The following SRPK3 variants were observed in gnomAD, a reference collection of about 807,000 sequenced individuals.
SRPK3 encodes the protein SRSF protein kinase 3.
SRPK3 carries 26 observed loss-of-function variants against 45.3 expected under a neutral mutation model. The ratio of observed to expected loss-of-function variants is 0.57; its 90% CI spans 0.42 to 0.80. The LOEUF (loss-of-function observed/expected upper bound fraction) is 0.80, where lower values mean the gene tolerates loss of function less well. Among genes scored for constraint, SRPK3 ranks in the 30% least tolerant of loss-of-function variants. SRPK3 has a pLI of 0.00. For missense variants in SRPK3, 536 were observed against 514.5 expected, an observed-to-expected ratio of 1.04 and a Z score of -0.40; for synonymous variants, 254 against 226.6, an observed-to-expected ratio of 1.12 and a Z score of -1.09.
intron 12 of SRPK3, 21 bp from the exon 13 acceptor site, chrX:153,784,913 C>T: frequency 1.7e-6 from 2 of 1,210,821 alleles, no homozygotes; most frequent in Non-Finnish European, 1.1e-6. Flanking sequence ...AGCCAGCAGC[C>T]TCACCTCCTC....
Position 153,785,690 on chromosome X carries a change from G to GAAAGTGTGTGTATTCCTTTCTTAAT in SRPK3, c.*179_*203dup. 6.3e-6 allele frequency: 5 copies of GAAAGTGTGTGTATTCCTTTCTTAAT among 794,177 alleles called. No individual in the cohort carries two copies. The highest frequency in any genetic ancestry group is 9.1e-6 in the Non-Finnish European group (5 of 551,978). The allele number at this position is 794,177 out of a possible 1,213,427, so 65.4% of individuals were successfully genotyped here. A position where few individuals can be genotyped will look rare whatever the true frequency, so the allele number is the denominator to read the frequency against. On this transcript the variant is annotated 3_prime_UTR_variant, in exon 15 of 15. Transcript: ENST00000370101. Reference sequence around the variant, plus strand: ...TGAGACCCCCGTGAGGGCTCTCGGAGAAAGTGTGTGTATTCCTTTCTTAAT... The same window carrying GAAAGTGTGTGTATTCCTTTCTTAAT: ...TGAGACCCCCGTGAGGGCTCTCGGAGAAAGTGTGTGTATTCCTTTCTTAATAAAGTGTGTGTATTCCTTTCTTAAT...
rs782569380 is a variant in SRPK3, at chrX:153,783,138, G to A, written c.748+20G>A. ...CCATAGGTACCAAGGGCCCACATGG[G>A]GCTGGGTCGGGGCCTCTGGGCCTGA... is the stretch of plus-strand genomic sequence containing the variant. On this transcript the variant is annotated intron_variant, in intron 7 of 14. Coordinates refer to ENST00000370101, the MANE Select transcript of SRPK3 (RefSeq NM_014370.4). 8.5e-7 allele frequency: 1 copy of A among 1,183,016 alleles called. No homozygotes were observed. Among genetic ancestry groups the A allele is most frequent in the Non-Finnish European group, 1.1e-6 (1 of 881,753 alleles).
rs1557068782 is a variant in SRPK3, at chrX:153,785,491, T to C, written c.1675T>C (p.Cys559Arg). The stretch of plus-strand genomic sequence containing the variant: ...CGAAAAGCGGGCCAGTGCCGCTGAC[T>C]GCCTCCAGCACCCCTGGCTCAACCC... ...IPEKRASAAD[C>R]LQHPWLNP The change falls in exon 15 of 15, where the codon TGC (cysteine) becomes CGC (arginine). Residue 559 changes from cysteine (C) to arginine (R), a missense_variant. Physicochemically the swap from Cys to Arg is radical, Grantham distance 180. Coordinates refer to ENST00000370101, the MANE Select transcript of SRPK3 (RefSeq NM_014370.4). 8.3e-7 allele frequency: 1 copy of C among 1,209,989 alleles called. No individual in the cohort carries two copies. Among genetic ancestry groups the C allele is most frequent in the East Asian group, 3.0e-5 (1 of 33,819 alleles).
intron 7 of SRPK3, 37 bp downstream of exon 7, chrX:153,783,155 T>G: frequency 8.5e-7 from 1 of 1,179,481 alleles, no homozygotes; most frequent in Non-Finnish European, 1.1e-6. Flanking sequence ...TCGGGGCCTC[T>G]GGGCCTGAAC....
rs1557068091 is a variant in SRPK3 at position 153,784,200 on chromosome X, C to T, written c.1134C>T (p.Leu378=). The T allele has an allele frequency of 2.5e-6, 3 of 1,211,075 alleles. No homozygotes were observed. The highest frequency in any genetic ancestry group is 3.5e-5 in the South Asian group (2 of 56,975). The change falls in exon 10 of 15, where the codon CTC becomes CTT. Residue 378 remains leucine (L), a synonymous_variant. Coordinates refer to ENST00000370101, the MANE Select transcript of SRPK3 (RefSeq NM_014370.4). The part of the protein sequence containing the change: ...GSSNQRETGG[L]LSPSTPFGAS... ...CCAATCAGCGAGAGACCGGGGGCCT[C>T]CTGTCGCCTAGCAGTAAGTTGGGTG...
In SRPK3 at chrX:153,785,544, G is replaced by A. The variant is rs1557068822; in HGVS notation, c.*24G>A. On this transcript the variant is annotated 3_prime_UTR_variant, in exon 15 of 15. Transcript: ENST00000370101. ...AGGCCCGGCTGTGGCTCCACCTCCA[G>A]CTCTCCGTGCCTTAAGGGAAAAGCG... The A allele has an allele frequency of 9.2e-6, 11 of 1,192,487 alleles. No individual in the cohort carries two copies. The highest frequency in any genetic ancestry group is 1.2e-5 in the Non-Finnish European group (11 of 882,962).
chrX:153,784,888 GGCCAGCAGCCCACCA>G, intron 12 of SRPK3, 31 bp downstream of exon 12: 4 of 1,209,994 alleles, frequency 3.3e-6, no homozygotes, highest in Non-Finnish European at 4.5e-6. Context: ...CTGTGCCCAG[GGCCAGCAGCCCACCA>G]GCCAGCAGCC....
intron 4 of SRPK3, 33 bp downstream of exon 4, chrX:153,781,863 C>G: frequency 2.5e-6 from 3 of 1,189,197 alleles, no homozygotes; most frequent in Non-Finnish European, 3.4e-6. Context: ...TCCCAGCTCC[C>G]CTGGAGCTGC....
rs4898444 is a variant in SRPK3 at position 153,784,080 on chromosome X, A to G, written c.1014A>G (p.Pro338=). 457,977 of 1,207,614 alleles carry G rather than the reference A, an allele frequency of 0.38. 63,497 individuals are homozygous for G. The highest frequency in any genetic ancestry group is 0.79 in the East Asian group (26,623 of 33,656). ...CCCCAGCCTCTTCCTCCCCCGCCCC[A>G]GGGGGCGGCCGTAGCCTCAGCGCGG... ...GPSPASSSPA[P]GGGRSLSAGS... Residue 338 remains proline (P), a synonymous_variant, in exon 10 of 15, where the codon CCA becomes CCG. Transcript: ENST00000370101.
chrX:153,783,068 A>T lies in SRPK3; in HGVS notation c.698A>T (p.Glu233Val). The stretch of plus-strand genomic sequence containing the variant: ...GCTTACATCAGGCGCCTGGCTGCCG[A>T]GGCCACGGAGTGGCAACAGGCAGGG... ...GDAYIRRLAA[E>V]ATEWQQAGAP... Residue 233 changes from glutamate (E) to valine (V), a missense_variant, in exon 7 of 15, where the codon GAG becomes GTG. Physicochemically the swap from Glu to Val is moderately radical, Grantham distance 121. Transcript: ENST00000370101. The T allele has an allele frequency of 8.5e-7, 1 of 1,169,848 alleles. No homozygotes were observed.
At position 153,782,150 on chromosome X, in the gene SRPK3, AAG is replaced by A; in HGVS notation, c.423_424del (p.Glu141AspfsTer7). ...GGGACAGCGACCCCAGTGACCCCAA[AAG>A]AGAGACCATTGTCCAGCTCATTGAT... Reference protein sequence around the residue: ...VRDSDPSDPKRETIVQLIDDF... With the variant: ...VRDSDPSDPKXETIVQLIDDF... On this transcript the variant is annotated frameshift_variant, in exon 5 of 15. Coordinates refer to ENST00000370101, the MANE Select transcript of SRPK3 (RefSeq NM_014370.4). LOFTEE classifies it high-confidence loss of function. 1 of 1,211,212 alleles carries A rather than the reference AAG, an allele frequency of 8.3e-7. No individual in the cohort carries two copies. Among genetic ancestry groups the A allele is most frequent in the Non-Finnish European group, 1.1e-6 (1 of 895,278 alleles).
Position 153,781,505 on chromosome X carries a change from G to A in SRPK3, c.191G>A (p.Gly64Asp), listed in dbSNP as rs782367619. Residue 64 changes from glycine to aspartate, a missense_variant and splice_region_variant, in exon 3 of 15, where the codon GGC (glycine) becomes GAC (aspartate). By Grantham distance (94) the Gly-to-Asp change is moderately conservative (BLOSUM62 -1). Coordinates refer to ENST00000370101, the MANE Select transcript of SRPK3 (RefSeq NM_014370.4). Reference protein sequence around the residue: ...EQEDPKDYCKGGYHPVKIGDV... With the variant: ...EQEDPKDYCKDGYHPVKIGDV... ...CCCAATCTACATCTCCCCTGGGCAG[G>A]CGGCTACCACCCTGTGAAGATCGGC... 4.4e-5 allele frequency: 53 copies of A among 1,207,024 alleles called. No homozygotes were observed. The South Asian group carries it at 7.9e-4, about 18-fold the overall frequency.
chrX:153,781,456 C>A, intron 2 of SRPK3, 49 bp from the exon 3 acceptor site: 1 of 1,188,482 alleles, frequency 8.4e-7, no homozygotes, highest in Non-Finnish European at 1.1e-6. Context: ...TTCGGGGGCC[C>A]AGGGGAGTGA....
At chrX:153,784,617 G>A in intron 11 of SRPK3, 133 bp from the exon 12 acceptor site, 4 of 807,917 alleles carry the variant, frequency 5.0e-6, no homozygotes, top group South Asian at 2.4e-5. Flanking sequence ...CCCTCTTGGA[G>A]GACCTGGGGA....
At chrX:153,781,413 C>T in intron 2 of SRPK3, 67 bp downstream of exon 2, 1 of 1,173,024 alleles carries the variant, frequency 8.5e-7, no homozygotes, top group Non-Finnish European at 1.1e-6. Flanking sequence ...GTCCTGGGCC[C>T]ACATGGGCCA....
chrX:153,781,103 G>T lies in SRPK3; in HGVS notation c.17G>T (p.Gly6Val). 8.9e-7 allele frequency: 1 copy of T among 1,118,819 alleles called. No homozygotes were observed. Among genetic ancestry groups the T allele is most frequent in the Non-Finnish European group, 1.2e-6 (1 of 852,051 alleles). 92.2% of individuals were successfully genotyped at this position (1,118,819 alleles called of 1,213,427 possible). A position where few individuals can be genotyped will look rare whatever the true frequency, so the allele number is the denominator to read the frequency against. Residue 6 changes from glycine (G) to valine (V), a missense_variant, in exon 1 of 15, where the codon GGC becomes GTC. Coordinates refer to ENST00000370101, the MANE Select transcript of SRPK3 (RefSeq NM_014370.4). ...GTGGCCGGGATGAGCGCCAGCACGG[G>T]CGGTGGTGGGGACAGCGGCGGCAGC... is the stretch of plus-strand genomic sequence containing the variant. MSAST[G>V]GGGDSGGSGG...
chrX:153,781,520 T>C lies in SRPK3; in HGVS notation c.206T>C (p.Val69Ala). 3 of 1,210,017 alleles carry C rather than the reference T, an allele frequency of 2.5e-6. No individual in the cohort carries two copies. Among genetic ancestry groups the C allele is most frequent in the Non-Finnish European group, 3.4e-6 (3 of 894,921 alleles). ...CCCTGGGCAGGCGGCTACCACCCTG[T>C]GAAGATCGGCGACGTGTTCAATGGG... ...KDYCKGGYHP[V>A]KIGDVFNGRY... Residue 69 changes from valine (V) to alanine (A), a missense_variant, in exon 3 of 15, where the codon GTG becomes GCG. Physicochemically the swap from Val to Ala is moderately conservative, Grantham distance 64. Transcript: ENST00000370101.
chrX:153,783,199 C>T (rs370996947), intron 7 of SRPK3, 27 bp from the exon 8 acceptor site: 19 of 989,336 alleles, frequency 1.9e-5, no homozygotes, highest in African/African-American at 7.8e-5. Flanking sequence ...CCTGTCCCCC[C>T]CCACCGCTCC....
In SRPK3 at chrX:153,781,744, C is replaced by T. The variant is rs55910507; in HGVS notation, c.301C>T (p.Arg101Cys). The change falls in exon 4 of 15, where the codon CGC (arginine) becomes TGC (cysteine). Residue 101 changes from arginine (R) to cysteine (C), a missense_variant and splice_region_variant. Arg to Cys is a radical substitution (Grantham distance 180, BLOSUM62 -3). Coordinates refer to ENST00000370101, the MANE Select transcript of SRPK3 (RefSeq NM_014370.4). ...CCTACAAGGGTCTCGGTATTGCAGG[C>T]GCAAGCGCTTTGTGGCCCTCAAAGT... ...STVWLCWDIQRKRFVALKVVK... is the reference protein window; with the variant it reads ...STVWLCWDIQCKRFVALKVVK... 1.1e-4 allele frequency: 128 copies of T among 1,210,366 alleles called. No individual in the cohort carries two copies. The African/African-American group carries it at 1.9e-3, about 18-fold the overall frequency.
Sources: gnomAD v4.1 joint callset for allele counts on GRCh38, gnomAD v4.1.1 for gene constraint, MANE v1.5 for transcripts, NCBI Gene and HGNC (gene_info 2026-07-23, HGNC 2026-07-21) for gene names.